The following PPM1L variants were observed in gnomAD, a reference collection of about 807,000 sequenced individuals.
PPM1L encodes the protein protein phosphatase 1L.
In PPM1L, 13 loss-of-function variants were observed where a neutral mutation model predicts 31.4. That is an observed-to-expected ratio of 0.41 (90% CI 0.27 to 0.66). The LOEUF is 0.66. Ranked by LOEUF, PPM1L falls within the 30% of genes least tolerant of loss-of-function variation. PPM1L has a pLI of 0.29. For missense variants in PPM1L, 326 were observed against 453.7 expected (o/e 0.72, Z 2.56); for synonymous variants, 184 against 175.4 (o/e 1.05, Z -0.39).
intron 2 of PPM1L, among the ~76,000 whole-genome samples, chr3:160,973,409 T>G (rs1716419306): frequency 6.6e-6 from 1 of 152,258 alleles, no homozygotes; most frequent in Non-Finnish European, 1.5e-5. Context: ...GCCAATGCCA[T>G]CGGTATCTCT....
At chr3:160,766,757 T>C (rs1424526652) in intron 1 of PPM1L, among the ~76,000 whole-genome samples, 11 of 151,272 alleles carry the variant, frequency 7.3e-5, no homozygotes, top group East Asian at 3.9e-4. Flanking sequence ...TTTTTTTTTT[T>C]CCCTTCTCTT....
intron 2 of PPM1L, among the ~76,000 whole-genome samples, chr3:161,037,806 T>A (rs1718790373): frequency 6.6e-6 from 1 of 151,886 alleles, no homozygotes; most frequent in Non-Finnish European, 1.5e-5. Context: ...ACCACCCTAC[T>A]AAGCCCCTCA....
At position 160,894,506 on chromosome 3, in the gene PPM1L, T is replaced by C. The variant is rs1320981613; in HGVS notation, c.400-67230T>C. ...CACCACAAAGCTTGGGAATTCTAGA[T>C]TCAAATAATTTTTAGGAAAGAAGGA... On this transcript the variant is annotated intron_variant, in intron 1 of 3. Transcript: ENST00000498165. 3.3e-5 allele frequency among the ~76,000 whole-genome samples: 5 copies of C among 152,192 alleles called. No homozygotes were observed. The East Asian group carries it at 9.6e-4, about 29-fold the overall frequency.
chr3:160,958,273 G>A (rs1237676410), intron 1 of PPM1L, among the ~76,000 whole-genome samples: 1 of 152,110 alleles, frequency 6.6e-6, no homozygotes, highest in East Asian at 1.9e-4. Flanking sequence ...TTATCTTCCA[G>A]GGTTTTTATA....
intron 2 of PPM1L, among the ~76,000 whole-genome samples, chr3:161,031,434 TC>T (rs1279911703): frequency 1.3e-5 from 2 of 152,080 alleles, no homozygotes; most frequent in Non-Finnish European, 2.9e-5. Context: ...AAGCTTATGT[TC>T]TTTTCATCAC....
rs1289356525 is a variant in PPM1L at position 161,078,279 on chromosome 3, C to T, written c.*9122C>T. ...ACAGTATAATGTCTCAGAAGTTCTT[C>T]TCTCTTATCCTGCTGATGTTGAGAC... On this transcript the variant is annotated 3_prime_UTR_variant, in exon 4 of 4. Coordinates refer to ENST00000498165, the MANE Select transcript of PPM1L (RefSeq NM_139245.4). The T allele has an allele frequency of 6.6e-6, 1 of 152,172 alleles. No homozygotes were observed. Among genetic ancestry groups the T allele is most frequent in the African/African-American group, 2.4e-5 (1 of 41,444 alleles). 9.4% of individuals were successfully genotyped at this position (152,172 alleles called of 1,614,324 possible). A position where few individuals can be genotyped will look rare whatever the true frequency, so the allele number is the denominator to read the frequency against.
intron 2 of PPM1L, among the ~76,000 whole-genome samples, chr3:161,011,956 C>T (rs947580767): frequency 1.3e-5 from 2 of 152,180 alleles, no homozygotes; most frequent in African/African-American, 4.8e-5. Context: ...AATCATGTCA[C>T]CTGCAAACAT....
intron 1 of PPM1L, among the ~76,000 whole-genome samples, chr3:160,816,701 G>A (rs1202221817): frequency 2.6e-5 from 4 of 152,186 alleles, no homozygotes; most frequent in Middle Eastern, 3.4e-3. Flanking sequence ...ACTGGAAGAA[G>A]TTATGTTTAT....
At chr3:160,954,956 C>CTTTCCT (rs58687052) in intron 1 of PPM1L, among the ~76,000 whole-genome samples, 188 of 77,440 alleles carry the variant, frequency 2.4e-3, no homozygotes, top group African/African-American at 8.3e-3. Context: ...TCCTTCCTTC[C>CTTTCCT]TTCCTTTCCT....
At chr3:160,907,361 C>CAGAAAAG (rs1713798626) in intron 1 of PPM1L, among the ~76,000 whole-genome samples, 1 of 152,156 alleles carries the variant, frequency 6.6e-6, no homozygotes, top group African/African-American at 2.4e-5. Flanking sequence ...TTCATTGAAG[C>CAGAAAAG]TACCTAGCTT....
intron 2 of PPM1L, among the ~76,000 whole-genome samples, chr3:160,994,176 G>A (rs978763277): frequency 3.9e-5 from 6 of 152,012 alleles, no homozygotes; most frequent in African/African-American, 1.5e-4. Context: ...TATTTGTTAT[G>A]CTGACCCTTA....
At chr3:160,834,517 G>T (rs1403707687) in intron 1 of PPM1L, among the ~76,000 whole-genome samples, 1 of 149,740 alleles carries the variant, frequency 6.7e-6, no homozygotes, top group Non-Finnish European at 1.5e-5. Flanking sequence ...GTGTGTGGTT[G>T]TGTGTAGTTC....
rs1012104050 is a variant in PPM1L, at chr3:161,071,450, A to T, written c.*2293A>T. On this transcript the variant is annotated 3_prime_UTR_variant, in exon 4 of 4. Coordinates refer to ENST00000498165, the MANE Select transcript of PPM1L (RefSeq NM_139245.4). Reference sequence around the variant, plus strand: ...TACGTGCCCTGCAGAATTTCTTAACAGATGGTGCTGAGTGCACGAGTTACA... The same window carrying T: ...TACGTGCCCTGCAGAATTTCTTAACTGATGGTGCTGAGTGCACGAGTTACA... 7 of 152,228 alleles carry T rather than the reference A, an allele frequency of 4.6e-5. No individual in the cohort carries two copies. The highest frequency in any genetic ancestry group is 3.9e-4 in the Admixed American group (6 of 15,274). 9.4% of individuals were successfully genotyped at this position (152,228 alleles called of 1,614,324 possible).
chr3:160,924,913 C>A (rs1040114885), intron 1 of PPM1L, among the ~76,000 whole-genome samples: 3 of 152,190 alleles, frequency 2.0e-5, no homozygotes, highest in Non-Finnish European at 4.4e-5. Flanking sequence ...GGTATGTTGT[C>A]CTTTTGTCAG....
chr3:160,805,719 C>T (rs1712579299), intron 1 of PPM1L, among the ~76,000 whole-genome samples: 1 of 152,048 alleles, frequency 6.6e-6, no homozygotes, highest in African/African-American at 2.4e-5. Flanking sequence ...GAGACTCCAC[C>T]TCAAAAATAA....
At chr3:160,769,160 G>A (rs938622294) in intron 1 of PPM1L, among the ~76,000 whole-genome samples, 2 of 152,198 alleles carry the variant, frequency 1.3e-5, no homozygotes, top group East Asian at 3.9e-4. Context: ...CTGAGGAGGA[G>A]CCCAGCCTCT....
chr3:160,918,427 C>T (rs151181267), intron 1 of PPM1L, among the ~76,000 whole-genome samples: 238 of 152,290 alleles, frequency 1.6e-3, no homozygotes, highest in Middle Eastern at 6.8e-3. Context: ...GGAAAATTTG[C>T]GCTCTAATCT....
At chr3:161,061,048 G>A (rs1231111875) in intron 2 of PPM1L, among the ~76,000 whole-genome samples, 3 of 152,062 alleles carry the variant, frequency 2.0e-5, no homozygotes, top group African/African-American at 7.2e-5. Flanking sequence ...CCAGCAACAA[G>A]CAGTTTGTTC....
intron 1 of PPM1L, among the ~76,000 whole-genome samples, chr3:160,779,625 C>T (rs549444638): frequency 3.4e-4 from 52 of 152,072 alleles, no homozygotes; most frequent in African/African-American, 1.2e-3. Flanking sequence ...TGGGTTCAAG[C>T]GATTCTCCTG....
Sources: gnomAD v4.1 joint callset for allele counts (sites outside exome capture counted in the v4.1 genomes callset) on GRCh38, gnomAD v4.1.1 for gene constraint, MANE v1.5 for transcripts, NCBI Gene and HGNC (gene_info 2026-07-23, HGNC 2026-07-21) for gene names.